ZNF277: variants seen among roughly 807,000 people sequenced by gnomAD.
The protein encoded by ZNF277 is zinc finger protein 277.
A neutral mutation model predicts 60.7 loss-of-function variants in ZNF277; 55 were observed. The ratio of observed to expected loss-of-function variants is 0.91; its 90% CI spans 0.73 to 1.13. The LOEUF is 1.13. Ranked by LOEUF, ZNF277 falls within the 50% of genes most tolerant of loss-of-function variation. The pLI, the probability that ZNF277 is intolerant of heterozygous loss-of-function variation, is 0.00. For synonymous variants in ZNF277, 178 were observed against 179.3 expected, an observed-to-expected ratio of 0.99 and a Z score of 0.06; for missense variants, 510 against 523.0, an observed-to-expected ratio of 0.98 and a Z score of 0.24.
intron 4 of ZNF277, among the ~76,000 whole-genome samples, chr7:112,311,545 A>T (rs947115903): frequency 6.6e-6 from 1 of 152,086 alleles, no homozygotes; most frequent in Non-Finnish European, 1.5e-5. Flanking sequence ...ATTTTTTTTT[A>T]GAAAACATAA....
At chr7:112,266,632 A>T (rs1195132800) in intron 1 of ZNF277, among the ~76,000 whole-genome samples, 6 of 152,164 alleles carry the variant, frequency 3.9e-5, no homozygotes, top group Admixed American at 3.3e-4. Flanking sequence ...CCTCACCAGC[A>T]TATCGTAACA....
At chr7:112,314,391 C>G (rs1792796992) in intron 4 of ZNF277, among the ~76,000 whole-genome samples, 1 of 152,112 alleles carries the variant, frequency 6.6e-6, no homozygotes, top group African/African-American at 2.4e-5. Context: ...GTAGGTAGTT[C>G]AGAACCGCTA....
rs577194584 is a variant in ZNF277, at chr7:112,265,008, A to G, written c.92-21865A>G. 4.6e-5 allele frequency among the ~76,000 whole-genome samples: 7 copies of G among 152,288 alleles called. No homozygotes were observed. In the East Asian group the frequency reaches 1.4e-3, roughly 29 times the overall value. On this transcript the variant is annotated intron_variant, in intron 1 of 11. Transcript: ENST00000361822. Reference sequence around the variant, plus strand: ...TGTGGCAATTTCTTAACAAAAGACAACAATGAAGTTTGTGGCATTTATTGA... The same window carrying G: ...TGTGGCAATTTCTTAACAAAAGACAGCAATGAAGTTTGTGGCATTTATTGA...
intron 1 of ZNF277, among the ~76,000 whole-genome samples, chr7:112,207,441 T>G (rs1471238296): frequency 6.6e-6 from 1 of 152,106 alleles, no homozygotes; most frequent in Non-Finnish European, 1.5e-5. Context: ...TCTGGGTCCT[T>G]AGAGAAAGAA....
At chr7:112,338,536 C>A (rs1369259219) in intron 9 of ZNF277, among the ~76,000 whole-genome samples, 1 of 151,926 alleles carries the variant, frequency 6.6e-6, no homozygotes, top group Non-Finnish European at 1.5e-5. Flanking sequence ...TCTCTCCGTC[C>A]CCTCCCTGCA....
intron 1 of ZNF277, among the ~76,000 whole-genome samples, chr7:112,209,908 A>G (rs928875788): frequency 1.3e-5 from 2 of 152,132 alleles, no homozygotes; most frequent in African/African-American, 4.8e-5. Context: ...CAGAAAACCA[A>G]ACACCACATG....
At chr7:112,256,069 C>G (rs931784604) in intron 1 of ZNF277, among the ~76,000 whole-genome samples, 1 of 152,108 alleles carries the variant, frequency 6.6e-6, no homozygotes, top group Non-Finnish European at 1.5e-5. Context: ...CTCTCTAGTC[C>G]TCTCTCCTAG....
intron 2 of ZNF277, among the ~76,000 whole-genome samples, chr7:112,290,912 C>T (rs1584382783): frequency 1.3e-5 from 2 of 152,084 alleles, no homozygotes; most frequent in South Asian, 4.1e-4. Context: ...TTGGCATGAA[C>T]ACATTCACTC....
chr7:112,241,113 G>T (rs1294190677), intron 1 of ZNF277, among the ~76,000 whole-genome samples: 1 of 151,760 alleles, frequency 6.6e-6, no homozygotes, highest in East Asian at 1.9e-4. Context: ...TCTGAAAAGG[G>T]ATTTACGACC....
chr7:112,235,399 A>G (rs1822462340), intron 1 of ZNF277, among the ~76,000 whole-genome samples: 1 of 152,098 alleles, frequency 6.6e-6, no homozygotes, highest in Non-Finnish European at 1.5e-5. Context: ...CTGAGGCTCT[A>G]ATTCTCCACA....
chr7:112,310,956 T>G (rs1792717909), intron 4 of ZNF277, among the ~76,000 whole-genome samples: 1 of 152,152 alleles, frequency 6.6e-6, no homozygotes, highest in Non-Finnish European at 1.5e-5. Context: ...TTGATAGCCA[T>G]AGCTAATAAC....
chr7:112,217,292 T>C (rs1325444078), intron 1 of ZNF277, among the ~76,000 whole-genome samples: 3 of 152,302 alleles, frequency 2.0e-5, no homozygotes, highest in Admixed American at 6.5e-5. Context: ...AAAAGTGTTA[T>C]AGGCCTACAC....
At chr7:112,264,800 G>A (rs757046446) in intron 1 of ZNF277, among the ~76,000 whole-genome samples, 40 of 152,066 alleles carry the variant, frequency 2.6e-4, no homozygotes, top group Non-Finnish European at 5.4e-4. Flanking sequence ...TATTAAGTGT[G>A]CAATAATGGT....
intron 1 of ZNF277, among the ~76,000 whole-genome samples, chr7:112,254,760 G>C (rs974771469): frequency 6.6e-6 from 1 of 152,118 alleles, no homozygotes; most frequent in Admixed American, 6.6e-5. Flanking sequence ...CTTGAGCCCA[G>C]GATTTTAAGA....
intron 1 of ZNF277, among the ~76,000 whole-genome samples, chr7:112,207,386 G>A (rs1409842468): frequency 6.6e-6 from 1 of 152,154 alleles, no homozygotes; most frequent in Non-Finnish European, 1.5e-5. Flanking sequence ...ACTGCTCTGG[G>A]TGTTCTTCAG....
At chr7:112,268,346 A>G (rs1791594789) in intron 1 of ZNF277, among the ~76,000 whole-genome samples, 1 of 150,756 alleles carries the variant, frequency 6.6e-6, no homozygotes, top group African/African-American at 2.4e-5. Flanking sequence ...TGTAGGGCTT[A>G]ATTTTTTTTT....
chr7:112,306,400 A>G (rs897828161), intron 4 of ZNF277, among the ~76,000 whole-genome samples: 1 of 151,996 alleles, frequency 6.6e-6, no homozygotes, highest in Non-Finnish European at 1.5e-5. Flanking sequence ...TTTTTAGTAT[A>G]GATGGGGTTT....
intron 9 of ZNF277, among the ~76,000 whole-genome samples, chr7:112,339,082 A>T (rs1793390915): frequency 6.6e-6 from 1 of 152,262 alleles, no homozygotes; most frequent in Non-Finnish European, 1.5e-5. Context: ...TTTGAGGTTT[A>T]AACAGTGTAT....
At chr7:112,213,040 A>G (rs1821794335) in intron 1 of ZNF277, among the ~76,000 whole-genome samples, 1 of 152,154 alleles carries the variant, frequency 6.6e-6, no homozygotes, top group South Asian at 2.1e-4. Flanking sequence ...TCCCCACCCA[A>G]ATCTCATCTT....
Sources: allele counts gnomAD v4.1 joint callset (sites outside exome capture counted in the v4.1 genomes callset), GRCh38; gene constraint gnomAD v4.1.1; transcripts MANE v1.5; gene names NCBI Gene and HGNC (gene_info 2026-07-23, HGNC 2026-07-21).